SLC9B1: variants seen among roughly 807,000 people sequenced by gnomAD.
SLC9B1 encodes the protein sodium/hydrogen exchanger 9B1.
In SLC9B1, 32 loss-of-function variants were observed where a neutral mutation model predicts 51.7. That is an observed-to-expected ratio of 0.62 (90% CI 0.47 to 0.83). The LOEUF (loss-of-function observed/expected upper bound fraction) is 0.83. SLC9B1 is among the 40% of genes least tolerant of loss of function. SLC9B1 has a pLI of 0.00. For missense variants in SLC9B1, 406 were observed against 613.2 expected, an observed-to-expected ratio of 0.66 and a Z score of 3.57; for synonymous variants, 145 against 212.7, an observed-to-expected ratio of 0.68 and a Z score of 2.77.
intron 9 of SLC9B1, among the ~76,000 whole-genome samples, chr4:102,908,387 T>C (rs1310728026): frequency 1.9e-5 from 1 of 53,342 alleles, no homozygotes; most frequent in Non-Finnish European, 4.1e-5. Flanking sequence ...TGTGTGTGTA[T>C]AGATATATAT....
intron 3 of SLC9B1, among the ~76,000 whole-genome samples, chr4:102,982,033 A>G (rs1201905135): frequency 1.3e-5 from 2 of 152,080 alleles, no homozygotes; most frequent in Non-Finnish European, 2.9e-5. Context: ...TCTGTGTTTT[A>G]CATTCAAGTC....
chr4:102,929,745 C>T (rs1736359887), intron 7 of SLC9B1, among the ~76,000 whole-genome samples: 1 of 152,226 alleles, frequency 6.6e-6, no homozygotes, highest in Non-Finnish European at 1.5e-5. Flanking sequence ...TGGTCTTGAA[C>T]TCATGTCCTC....
At chr4:102,967,086 T>A (rs1738469197) in intron 3 of SLC9B1, among the ~76,000 whole-genome samples, 1 of 152,224 alleles carries the variant, frequency 6.6e-6, no homozygotes. Context: ...TTGTTCCTCA[T>A]TTCTATCTGA....
intron 3 of SLC9B1, among the ~76,000 whole-genome samples, chr4:102,955,485 T>C (rs1237817803): frequency 6.6e-6 from 1 of 152,104 alleles, no homozygotes; most frequent in East Asian, 1.9e-4. Flanking sequence ...AAGCTGGATG[T>C]AAAACCCAGC....
intron 3 of SLC9B1, among the ~76,000 whole-genome samples, chr4:102,984,746 G>C (rs1739527988): frequency 6.6e-6 from 1 of 152,118 alleles, no homozygotes; most frequent in African/African-American, 2.4e-5. Flanking sequence ...TGTCTTTATT[G>C]AATTTTTGCC....
chr4:102,993,099 C>T (rs1740034210), intron 1 of SLC9B1, among the ~76,000 whole-genome samples: 1 of 152,128 alleles, frequency 6.6e-6, no homozygotes, highest in Non-Finnish European at 1.5e-5. Context: ...CCGGCCCCTC[C>T]CAAATCTCAT....
chr4:102,954,589 TAAA>T (rs1737685088), intron 3 of SLC9B1, among the ~76,000 whole-genome samples: 1 of 152,074 alleles, frequency 6.6e-6, no homozygotes, highest in Non-Finnish European at 1.5e-5. Flanking sequence ...AGTACAGAGA[TAAA>T]GAAATCATTC....
At chr4:102,887,508 A>C in intron 11 of SLC9B1, 1 of 789,654 alleles carries the variant, frequency 1.3e-6, no homozygotes, top group Non-Finnish European at 2.2e-6. Flanking sequence ...TACTGGTTGA[A>C]CAATTATTTC....
chr4:103,005,523 C>G (rs542253372), intron 1 of SLC9B1, among the ~76,000 whole-genome samples: 4 of 152,224 alleles, frequency 2.6e-5, no homozygotes, highest in Admixed American at 1.3e-4. Context: ...GTTTAAACAT[C>G]CCATTGACAG....
At chr4:103,001,286 T>C (rs760734466) in intron 1 of SLC9B1, among the ~76,000 whole-genome samples, 1 of 152,220 alleles carries the variant, frequency 6.6e-6, no homozygotes, top group Non-Finnish European at 1.5e-5. Context: ...GCCATGAAGA[T>C]CTCTGATATT....
rs576959239 is a variant in SLC9B1, at chr4:102,932,402, A to G, written c.654-103T>C. ...TAACTTTATAACAAACATTGTTTAG[A>G]AGAATTTCAAATTTGAGTGAATGCA... On this transcript the variant is annotated intron_variant, in intron 6 of 11. Coordinates refer to ENST00000296422, the MANE Select transcript of SLC9B1 (RefSeq NM_139173.4). 869 of 1,084,140 alleles carry G rather than the reference A, an allele frequency of 8.0e-4. 18 individuals are homozygous for G. In the South Asian group the frequency reaches 0.013, roughly 17 times the overall value. The allele number at this position is 1,084,140 out of a possible 1,614,324, so 67.2% of individuals were successfully genotyped here. A position where few individuals can be genotyped will look rare whatever the true frequency, so the allele number is the denominator to read the frequency against.
intron 1 of SLC9B1, among the ~76,000 whole-genome samples, chr4:103,006,646 A>C (rs1037374464): frequency 1.1e-4 from 16 of 152,178 alleles, no homozygotes; most frequent in African/African-American, 3.9e-4. Context: ...TTCTATGAGG[A>C]TAGCATCATC....
intron 7 of SLC9B1, among the ~76,000 whole-genome samples, chr4:102,930,200 G>A (rs1472517639): frequency 2.6e-5 from 4 of 152,100 alleles, no homozygotes; most frequent in Non-Finnish European, 5.9e-5. Context: ...TATCAAATTA[G>A]CAAAGATGAA....
intron 7 of SLC9B1, among the ~76,000 whole-genome samples, chr4:102,914,818 C>A (rs1735503175): frequency 6.6e-6 from 1 of 151,792 alleles, no homozygotes; most frequent in Non-Finnish European, 1.5e-5. Context: ...GGGCAGAGAG[C>A]CAGTTAAAAA....
chr4:102,986,193 T>G (rs1739611266), intron 3 of SLC9B1, among the ~76,000 whole-genome samples: 1 of 152,172 alleles, frequency 6.6e-6, no homozygotes, highest in Admixed American at 6.5e-5. Flanking sequence ...GTGAAAGTCT[T>G]TGTTTCTCCT....
intron 3 of SLC9B1, chr4:102,962,778 A>C (rs1738206154): frequency 2.1e-6 from 1 of 475,358 alleles, no homozygotes; most frequent in Admixed American, 2.3e-5. Context: ...AAATACTGTT[A>C]CATTTGCCCT....
intron 9 of SLC9B1, among the ~76,000 whole-genome samples, chr4:102,910,104 CG>C (rs1735268200): frequency 6.6e-6 from 1 of 152,096 alleles, no homozygotes; most frequent in South Asian, 2.1e-4. Flanking sequence ...CATGAGCCAC[CG>C]TCCCCGGCCT....
Position 102,907,333 on chromosome 4 carries a change from G to A in SLC9B1, c.1087-689C>T, listed in dbSNP as rs572769591. Among the ~76,000 whole-genome samples the A allele has an allele frequency of 2.0e-5, 3 of 152,226 alleles. No homozygotes were observed. The South Asian group carries it at 6.2e-4, about 32-fold the overall frequency. ...CAAACATTTGGGTTCTCAAAAGGGGGTTGGGAAGCCCTCCACTAACAACCA... is the reference window on the plus strand; with the variant it reads ...CAAACATTTGGGTTCTCAAAAGGGGATTGGGAAGCCCTCCACTAACAACCA... On this transcript the variant is annotated intron_variant, in intron 9 of 11. Coordinates refer to ENST00000296422, the MANE Select transcript of SLC9B1 (RefSeq NM_139173.4).
At chr4:102,963,016 C>T in intron 3 of SLC9B1, 2 of 457,908 alleles carry the variant, frequency 4.4e-6, no homozygotes, top group South Asian at 1.6e-5. Flanking sequence ...TGTGCATGGT[C>T]CACTGTATAA....
Sources: allele counts gnomAD v4.1 joint callset (sites outside exome capture counted in the v4.1 genomes callset), GRCh38; gene constraint gnomAD v4.1.1; transcripts MANE v1.5; gene names NCBI Gene and HGNC (gene_info 2026-07-23, HGNC 2026-07-21).